Variants in SEMA5A observed in about 807,000 individuals in gnomAD.
SEMA5A encodes semaphorin-5A.
In SEMA5A, 55 loss-of-function variants were observed where a neutral mutation model predicts 135.5. The observed-to-expected ratio is 0.41, with a 90% CI of 0.33 to 0.51. SEMA5A has a LOEUF of 0.51. Among genes scored for constraint, SEMA5A ranks in the 20% least tolerant of loss-of-function variants. The probability of loss-of-function intolerance (pLI) is 0.37; values close to 1 mark genes in which losing one functional copy is unlikely to be tolerated. For missense variants in SEMA5A, 1,290 were observed against 1,419.9 expected (o/e 0.91, Z 1.47); for synonymous variants, 580 against 546.5 (o/e 1.06, Z -0.85).
chr5:9,290,701 T>A (rs1359582158), intron 5 of SEMA5A, among the ~76,000 whole-genome samples: 1 of 152,202 alleles, frequency 6.6e-6, no homozygotes, highest in Non-Finnish European at 1.5e-5. Context: ...TATATGTGTA[T>A]ATACATACAC....
At chr5:9,381,506 G>A (rs1755606786) in intron 2 of SEMA5A, among the ~76,000 whole-genome samples, 1 of 152,184 alleles carries the variant, frequency 6.6e-6, no homozygotes, top group Non-Finnish European at 1.5e-5. Flanking sequence ...TCCAAGCCCA[G>A]GACCTAAAAG....
intron 2 of SEMA5A, among the ~76,000 whole-genome samples, chr5:9,431,068 G>A (rs1757840732): frequency 6.6e-6 from 1 of 152,108 alleles, no homozygotes; most frequent in Non-Finnish European, 1.5e-5. Flanking sequence ...GGCCAAACTA[G>A]GGTTAAGAGT....
intron 2 of SEMA5A, among the ~76,000 whole-genome samples, chr5:9,405,299 T>G (rs140029814): frequency 0.02 from 3,109 of 152,306 alleles, 46 homozygotes; most frequent in Non-Finnish European, 0.03. Flanking sequence ...ACATATGTAC[T>G]CTGGAAAAAT....
At chr5:9,211,836 A>G (rs1806042) in intron 8 of SEMA5A, among the ~76,000 whole-genome samples, 2,519 of 152,328 alleles carry the variant, frequency 0.017, 61 homozygotes, top group African/African-American at 0.058. Context: ...TTACCAGAAG[A>G]GTTTTCTCAA....
intron 2 of SEMA5A, among the ~76,000 whole-genome samples, chr5:9,436,379 G>A (rs1013225914): frequency 2.0e-5 from 3 of 152,144 alleles, no homozygotes; most frequent in African/African-American, 7.2e-5. Flanking sequence ...GAATCTACGT[G>A]GGCTGGAGAA....
intron 9 of SEMA5A, among the ~76,000 whole-genome samples, chr5:9,198,570 G>T (rs1033486494): frequency 6.6e-6 from 1 of 152,172 alleles, no homozygotes; most frequent in African/African-American, 2.4e-5. Context: ...GGCCTTGAGG[G>T]TATTGTGGGC....
intron 5 of SEMA5A, among the ~76,000 whole-genome samples, chr5:9,299,277 G>A (rs1751492757): frequency 6.6e-6 from 1 of 152,140 alleles, no homozygotes; most frequent in Admixed American, 6.5e-5. Flanking sequence ...AAGGAGCCTG[G>A]CATTAGAGGG....
chr5:9,044,505 A>T lies in SEMA5A; in HGVS notation c.2973T>A (p.Thr991=), dbSNP rs1393773862. ...LGCLLTLLVY[T]YCQRYQQQSH... is the part of the protein sequence containing the mutation. ...ATTGCTGCTGGTACCGCTGGCAGTAAGTATAGACGAGCAGGGTGAGGAGGC... is the reference window on the plus strand; with the variant it reads ...ATTGCTGCTGGTACCGCTGGCAGTATGTATAGACGAGCAGGGTGAGGAGGC... Residue 991 remains threonine (T), a synonymous_variant, in exon 22 of 23, where the codon ACT becomes ACA. Coordinates refer to ENST00000382496, the MANE Select transcript of SEMA5A (RefSeq NM_003966.3). 1 of 1,614,016 alleles carries T rather than the reference A, an allele frequency of 6.2e-7. No individual in the cohort carries two copies.
intron 1 of SEMA5A, among the ~76,000 whole-genome samples, chr5:9,520,867 A>C (rs1736787988): frequency 6.6e-6 from 1 of 152,230 alleles, no homozygotes; most frequent in Non-Finnish European, 1.5e-5. Flanking sequence ...GCCTAAGGAG[A>C]CAGGCAGCTA....
intron 16 of SEMA5A, among the ~76,000 whole-genome samples, chr5:9,077,777 G>A (rs962478047): frequency 1.1e-4 from 17 of 152,216 alleles, no homozygotes; most frequent in East Asian, 3.8e-4. Flanking sequence ...TTGAATGGCC[G>A]CATTCACTTT....
At position 9,154,833 on chromosome 5, in the gene SEMA5A, C is replaced by T. The variant is rs1054142796; in HGVS notation, c.1274-138G>A. The T allele has an allele frequency of 7.0e-6, 5 of 711,838 alleles. No individual in the cohort carries two copies. In the African/African-American group the frequency reaches 7.1e-5, roughly 10 times the overall value. 44.1% of individuals were successfully genotyped at this position (711,838 alleles called of 1,614,324 possible). ...ATCTGAGCATCCTTCAAAAACAGTA[C>T]ACCTGGACACCACTGCAGACCAGTT... On this transcript the variant is annotated intron_variant, in intron 11 of 22. Transcript: ENST00000382496.
intron 8 of SEMA5A, among the ~76,000 whole-genome samples, chr5:9,209,531 A>T (rs1177061403): frequency 6.6e-6 from 1 of 152,240 alleles, no homozygotes; most frequent in Non-Finnish European, 1.5e-5. Context: ...ACTCCTAAAA[A>T]ATATGTTAAA....
At chr5:9,131,708 G>A (rs1416623374) in intron 13 of SEMA5A, among the ~76,000 whole-genome samples, 2 of 142,188 alleles carry the variant, frequency 1.4e-5, no homozygotes, top group Non-Finnish European at 3.0e-5. Context: ...TGAAGAGAGG[G>A]AATCCAGCCA....
chr5:9,293,202 C>T (rs578070644), intron 5 of SEMA5A, among the ~76,000 whole-genome samples: 1 of 152,292 alleles, frequency 6.6e-6, no homozygotes, highest in East Asian at 1.9e-4. Context: ...CTCTCTCTCT[C>T]TCTCTCCTGG....
In SEMA5A at chr5:9,422,064, G is replaced by A. The variant is rs556445521; in HGVS notation, c.-78+15692C>T. ...AAGAAGGAATCAGCAGAAAATTCTCGTTCTGCAATTACTAAGATAAAACAT... is the reference window on the plus strand; with the variant it reads ...AAGAAGGAATCAGCAGAAAATTCTCATTCTGCAATTACTAAGATAAAACAT... On this transcript the variant is annotated intron_variant, in intron 2 of 22. Coordinates refer to ENST00000382496, the MANE Select transcript of SEMA5A (RefSeq NM_003966.3). 5.9e-5 allele frequency among the ~76,000 whole-genome samples: 9 copies of A among 152,272 alleles called. No individual in the cohort carries two copies. The East Asian group carries it at 7.7e-4, about 13-fold the overall frequency.
intron 5 of SEMA5A, among the ~76,000 whole-genome samples, chr5:9,290,113 T>C (rs1249508264): frequency 6.6e-6 from 1 of 152,154 alleles, no homozygotes; most frequent in Non-Finnish European, 1.5e-5. Context: ...ATGAATAAGT[T>C]TTTTCGTGGT....
chr5:9,306,783 A>C (rs1751890369), intron 5 of SEMA5A, among the ~76,000 whole-genome samples: 1 of 152,176 alleles, frequency 6.6e-6, no homozygotes, highest in Non-Finnish European at 1.5e-5. Flanking sequence ...TTTTCCTTTG[A>C]TGTACCTTTA....
At chr5:9,162,899 C>G (rs988400400) in intron 11 of SEMA5A, among the ~76,000 whole-genome samples, 3 of 151,990 alleles carry the variant, frequency 2.0e-5, no homozygotes, top group African/African-American at 7.2e-5. Context: ...CCTGTTCATA[C>G]GGATCAAGAG....
Position 9,198,035 on chromosome 5 carries a change from G to A in SEMA5A, c.933-732C>T, listed in dbSNP as rs1338311512. ...AGGTCAGTGCCCTCTGACTAAGTAT[G>A]GAAACAGCAACATTATTTGGTTAAG... is the stretch of plus-strand genomic sequence containing the variant. On this transcript the variant is annotated intron_variant, in intron 9 of 22. Coordinates refer to ENST00000382496, the MANE Select transcript of SEMA5A (RefSeq NM_003966.3). Among the ~76,000 whole-genome samples the A allele has an allele frequency of 2.0e-5, 3 of 152,136 alleles. No individual in the cohort carries two copies. The East Asian group carries it at 5.8e-4, about 29-fold the overall frequency.
Sources: allele counts gnomAD v4.1 joint callset (sites outside exome capture counted in the v4.1 genomes callset), GRCh38; gene constraint gnomAD v4.1.1; transcripts MANE v1.5; gene names NCBI Gene and HGNC (gene_info 2026-07-23, HGNC 2026-07-21).